THEMIS: variants seen among roughly 807,000 people sequenced by gnomAD.
The protein encoded by THEMIS is protein THEMIS.
THEMIS carries 37 observed loss-of-function variants against 52.6 expected under a neutral mutation model. The observed-to-expected ratio is 0.70, with a 90% CI of 0.54 to 0.93. THEMIS has a LOEUF of 0.93. THEMIS is among the 40% of genes least tolerant of loss of function. The pLI, the probability that THEMIS is intolerant of heterozygous loss-of-function variation, is 0.00. For missense variants in THEMIS, 808 were observed against 763.1 expected, an observed-to-expected ratio of 1.06 and a Z score of -0.69; for synonymous variants, 292 against 272.7, an observed-to-expected ratio of 1.07 and a Z score of -0.70.
At chr6:127,797,324 C>A (rs1777362786) in intron 4 of THEMIS, among the ~76,000 whole-genome samples, 1 of 152,122 alleles carries the variant, frequency 6.6e-6, no homozygotes, top group African/African-American at 2.4e-5. Flanking sequence ...GAGAACCACA[C>A]AAGTTTCTTT....
chr6:127,744,439 A>T (rs569906177), intron 4 of THEMIS, among the ~76,000 whole-genome samples: 6 of 152,048 alleles, frequency 3.9e-5, no homozygotes, highest in Non-Finnish European at 5.9e-5. Context: ...ATGTCCATCG[A>T]CAGAAGAATT....
chr6:127,769,914 T>C (rs1332838635), intron 4 of THEMIS, among the ~76,000 whole-genome samples: 1 of 152,176 alleles, frequency 6.6e-6, no homozygotes, highest in Admixed American at 6.5e-5. Context: ...AGAATGATGG[T>C]TTCCAGCTTC....
intron 4 of THEMIS, among the ~76,000 whole-genome samples, chr6:127,735,649 G>A (rs1774980983): frequency 6.6e-6 from 1 of 152,142 alleles, no homozygotes; most frequent in Admixed American, 6.5e-5. Flanking sequence ...AGGTACTACA[G>A]AACAGGAACA....
chr6:127,837,879 G>A (rs1778923643), intron 2 of THEMIS, among the ~76,000 whole-genome samples: 1 of 152,032 alleles, frequency 6.6e-6, no homozygotes, highest in African/African-American at 2.4e-5. Flanking sequence ...CACAAATATA[G>A]TTGTTAATAG....
chr6:127,783,301 G>A (rs1315913357), intron 4 of THEMIS, among the ~76,000 whole-genome samples: 3 of 152,148 alleles, frequency 2.0e-5, no homozygotes, highest in African/African-American at 7.2e-5. Flanking sequence ...AGAAAAGCTA[G>A]GCAATACCAT....
chr6:127,849,498 A>G (rs1349933537), intron 2 of THEMIS, among the ~76,000 whole-genome samples: 1 of 151,934 alleles, frequency 6.6e-6, no homozygotes, highest in Admixed American at 6.6e-5. Context: ...AAATTATACT[A>G]CAAGGCTATA....
intron 2 of THEMIS, among the ~76,000 whole-genome samples, chr6:127,846,262 A>G (rs1779211139): frequency 6.6e-6 from 1 of 152,088 alleles, no homozygotes; most frequent in Middle Eastern, 3.4e-3. Context: ...TTGATTATAC[A>G]ATTGCCACAT....
chr6:127,766,911 A>G (rs1008268316), intron 4 of THEMIS, among the ~76,000 whole-genome samples: 1 of 152,140 alleles, frequency 6.6e-6, no homozygotes. Context: ...TGTAGGCTTT[A>G]TAAACACTGT....
At chr6:127,907,337 ATTTTTTTTTTTTTTT>A (rs58472332) in intron 1 of THEMIS, among the ~76,000 whole-genome samples, 1 of 49,448 alleles carries the variant, frequency 2.0e-5, no homozygotes, top group Non-Finnish European at 3.7e-5. Context: ...TTAGGCTCGG[ATTTTTTTTTTTTTTT>A]TTTTTTTTTT....
downstream of THEMIS, among the ~76,000 whole-genome samples, chr6:127,704,054 G>A (rs548376464): frequency 1.3e-5 from 2 of 152,238 alleles, no homozygotes; most frequent in East Asian, 1.9e-4. Context: ...CCTGAGAATA[G>A]AGCCATCATG....
At chr6:127,818,233 C>T (rs1330541366) in intron 3 of THEMIS, among the ~76,000 whole-genome samples, 2 of 152,192 alleles carry the variant, frequency 1.3e-5, no homozygotes, top group Non-Finnish European at 2.9e-5. Flanking sequence ...CTGAGAAACA[C>T]TTGTGAAGGT....
chr6:127,715,206 G>A (rs1261650085), intron 5 of THEMIS, among the ~76,000 whole-genome samples: 1 of 151,812 alleles, frequency 6.6e-6, no homozygotes, highest in East Asian at 1.9e-4. Flanking sequence ...TTATCTAGAA[G>A]TGTAAAATAA....
chr6:127,896,062 T>C (rs1196104651), intron 1 of THEMIS, among the ~76,000 whole-genome samples: 1 of 151,562 alleles, frequency 6.6e-6, no homozygotes, highest in Non-Finnish European at 1.5e-5. Context: ...AAAAAAACTA[T>C]GTAATTATCA....
chr6:127,880,625 C>T (rs1443143116), intron 1 of THEMIS, among the ~76,000 whole-genome samples: 1 of 144,848 alleles, frequency 6.9e-6, no homozygotes, highest in Non-Finnish European at 1.5e-5. Flanking sequence ...AGAATTCACA[C>T]ATTGTTTATG....
chr6:127,761,277 ACAGGCAAGCTGG>A (rs954770915), intron 4 of THEMIS, among the ~76,000 whole-genome samples: 1 of 152,174 alleles, frequency 6.6e-6, no homozygotes, highest in Non-Finnish European at 1.5e-5. Context: ...TACAGCTGAG[ACAGGCAAGCTGG>A]CAGGCTTCTG....
At chr6:127,809,189 T>G (rs1456436254) in intron 4 of THEMIS, among the ~76,000 whole-genome samples, 2 of 152,196 alleles carry the variant, frequency 1.3e-5, no homozygotes, top group Non-Finnish European at 2.9e-5. Context: ...AAAGCAATAT[T>G]CCATATATAA....
intron 1 of THEMIS, among the ~76,000 whole-genome samples, chr6:127,859,576 T>C (rs1443667189): frequency 6.6e-6 from 1 of 152,134 alleles, no homozygotes; most frequent in East Asian, 1.9e-4. Flanking sequence ...GTGAACATAA[T>C]AGTGGTCCTT....
intron 2 of THEMIS, among the ~76,000 whole-genome samples, chr6:127,837,456 C>T (rs1778909440): frequency 6.6e-6 from 1 of 152,034 alleles, no homozygotes; most frequent in African/African-American, 2.4e-5. Flanking sequence ...TTATTTGATC[C>T]TCTGAAGAAT....
chr6:127,834,152 C>A (rs1467223659), intron 2 of THEMIS, among the ~76,000 whole-genome samples: 2 of 152,002 alleles, frequency 1.3e-5, no homozygotes, highest in Non-Finnish European at 2.9e-5. Flanking sequence ...AAATGATACA[C>A]AGTAATTTAA....
Sources: gnomAD v4.1 joint callset for allele counts (sites outside exome capture counted in the v4.1 genomes callset) on GRCh38, gnomAD v4.1.1 for gene constraint, MANE v1.5 for transcripts, NCBI Gene and HGNC (gene_info 2026-07-23, HGNC 2026-07-21) for gene names.